The following FNDC3B variants were observed in gnomAD, a reference collection of about 807,000 sequenced individuals.
The protein encoded by FNDC3B is fibronectin type III domain containing 3B.
A neutral mutation model predicts 151.5 loss-of-function variants in FNDC3B; 12 were observed. That is an observed-to-expected ratio of 0.08 (90% CI 0.05 to 0.13). The LOEUF (loss-of-function observed/expected upper bound fraction) is 0.13, where lower values mean the gene tolerates loss of function less well. Ranked by LOEUF, FNDC3B falls within the 10% of genes least tolerant of loss-of-function variation. FNDC3B has a pLI of 1.00. For missense variants in FNDC3B, 1,214 were observed against 1,505.3 expected, an observed-to-expected ratio of 0.81 and a Z score of 3.20; for synonymous variants, 528 against 549.0, an observed-to-expected ratio of 0.96 and a Z score of 0.54.
chr3:172,200,203 T>C (rs748407764), intron 3 of FNDC3B, among the ~76,000 whole-genome samples: 1 of 152,150 alleles, frequency 6.6e-6, no homozygotes, highest in Non-Finnish European at 1.5e-5. Flanking sequence ...GTGCACCTAA[T>C]GTGCACATCT....
At chr3:172,142,508 A>G (rs1363868800) in intron 3 of FNDC3B, among the ~76,000 whole-genome samples, 3 of 152,192 alleles carry the variant, frequency 2.0e-5, no homozygotes, top group Admixed American at 6.5e-5. Context: ...GCATTACCTC[A>G]GTGGTTGGCC....
In FNDC3B at chr3:172,307,393, A is replaced by T; in HGVS notation, c.1092A>T (p.Gly364=). 6.2e-7 allele frequency: 1 copy of T among 1,614,068 alleles called. No homozygotes were observed. Among genetic ancestry groups the T allele is most frequent in the East Asian group, 2.2e-5 (1 of 44,882 alleles). The change falls in exon 10 of 26, where the codon GGA becomes GGT. Residue 364 remains glycine, a synonymous_variant. Transcript: ENST00000415807. Reference sequence around the variant, plus strand: ...ATGCCATGTACAATTCCGTAAAGGGATCCTGCTCCGAGCCTGTTAGCTTCA... The same window carrying T: ...ATGCCATGTACAATTCCGTAAAGGGTTCCTGCTCCGAGCCTGTTAGCTTCA... ...RVYAMYNSVK[G]SCSEPVSFTT...
Position 172,247,633 on chromosome 3 carries a change from A to G in FNDC3B, c.365A>G (p.His122Arg), listed in dbSNP as rs1727847051. 6.2e-7 allele frequency: 1 copy of G among 1,613,908 alleles called. No individual in the cohort carries two copies. The highest frequency in any genetic ancestry group is 1.3e-5 in the African/African-American group (1 of 74,922). The change falls in exon 5 of 26, where the codon CAT (histidine) becomes CGT (arginine). Residue 122 changes from histidine (H) to arginine (R), a missense_variant. By Grantham distance (29) the His-to-Arg change is conservative. Coordinates refer to ENST00000415807, the MANE Select transcript of FNDC3B (RefSeq NM_022763.4). Reference sequence around the variant, plus strand: ...CCCTCAGCCATGTCTCCAACCCATCATCTCCCTCCCTATCTGACTCACCAT... The same window carrying G: ...CCCTCAGCCATGTCTCCAACCCATCGTCTCCCTCCCTATCTGACTCACCAT... ...SYPSAMSPTH[H>R]LPPYLTHHPH...
chr3:172,216,965 C>G (rs1726010960), intron 3 of FNDC3B, among the ~76,000 whole-genome samples: 1 of 152,166 alleles, frequency 6.6e-6, no homozygotes, highest in Admixed American at 6.5e-5. Context: ...CTTGAGTTGT[C>G]TGGGCTATAT....
intron 3 of FNDC3B, chr3:172,148,619 C>A (rs1296978154): frequency 6.6e-6 from 1 of 151,980 alleles, no homozygotes; most frequent in Non-Finnish European, 1.5e-5. Context: ...TTACACATTT[C>A]TTTTTTTTCT....
At chr3:172,320,555 A>G (rs1162920931) in intron 11 of FNDC3B, among the ~76,000 whole-genome samples, 1 of 152,206 alleles carries the variant, frequency 6.6e-6, no homozygotes, top group Non-Finnish European at 1.5e-5. Flanking sequence ...TATAAAGAGG[A>G]ACAGGAAGTA....
In FNDC3B at chr3:172,329,047, G is replaced by A. The variant is rs754686417; in HGVS notation, c.1350G>A (p.Arg450=). The change falls in exon 12 of 26, where the codon AGG becomes AGA. Residue 450 remains arginine (R), a synonymous_variant. Transcript: ENST00000415807. ...KLCPAMGYTF[R]LAARNDIGTS... is the part of the protein sequence containing the mutation. ...GTCCGGCAATGGGGTACACATTCAG[G>A]CTGGCCGCTCGAAACGACATTGGTA... 4.3e-6 allele frequency: 7 copies of A among 1,613,586 alleles called. No individual in the cohort carries two copies. The highest frequency in any genetic ancestry group is 4.5e-5 in the East Asian group (2 of 44,856).
intron 6 of FNDC3B, 146 bp from the exon 7 acceptor site, chr3:172,285,780 C>T: frequency 1.5e-6 from 1 of 649,892 alleles, no homozygotes; most frequent in Admixed American, 2.9e-5. Context: ...CCTGATTTTC[C>T]TGGTAACATT....
rs143492628 is a variant in FNDC3B at position 172,351,647 on chromosome 3, G to A, written c.2515-1156G>A. The stretch of plus-strand genomic sequence containing the variant: ...TGTGAATTTAGACTATTGGGCAAGG[G>A]CCAACATAGATACCAGCTAGGAGGT... On this transcript the variant is annotated intron_variant, in intron 21 of 25. Transcript: ENST00000415807. Among the ~76,000 whole-genome samples the A allele has an allele frequency of 3.5e-3, 526 of 152,310 alleles. 8 individuals are homozygous for A. Among genetic ancestry groups the A allele is most frequent in the African/African-American group, 0.012 (505 of 41,568 alleles).
chr3:172,212,397 T>C (rs530019599), intron 3 of FNDC3B, among the ~76,000 whole-genome samples: 1 of 152,330 alleles, frequency 6.6e-6, no homozygotes, highest in African/African-American at 2.4e-5. Flanking sequence ...CCGCGTTCTT[T>C]CCAAGTCATT....
intron 3 of FNDC3B, among the ~76,000 whole-genome samples, chr3:172,138,485 T>C (rs1721477131): frequency 6.6e-6 from 1 of 152,206 alleles, no homozygotes; most frequent in Non-Finnish European, 1.5e-5. Flanking sequence ...CTAGATTCCA[T>C]TGATAATTGA....
At chr3:172,121,939 T>C (rs1208263934) in intron 2 of FNDC3B, among the ~76,000 whole-genome samples, 1 of 152,200 alleles carries the variant, frequency 6.6e-6, no homozygotes, top group Admixed American at 6.5e-5. Flanking sequence ...TGATTTCTCC[T>C]TTTCTTGTTT....
At chr3:172,138,790 G>T (rs1440121684) in intron 3 of FNDC3B, among the ~76,000 whole-genome samples, 1 of 152,220 alleles carries the variant, frequency 6.6e-6, no homozygotes, top group East Asian at 1.9e-4. Flanking sequence ...TGTGTTAAGT[G>T]AATAGAGACC....
chr3:172,134,988 TAAAA>T (rs776856315), intron 3 of FNDC3B, among the ~76,000 whole-genome samples: 1 of 138,726 alleles, frequency 7.2e-6, no homozygotes, highest in African/African-American at 2.6e-5. Context: ...CCCTGTATCT[TAAAA>T]AAAAAAAAAA....
intron 11 of FNDC3B, among the ~76,000 whole-genome samples, chr3:172,325,691 C>A (rs985611371): frequency 6.6e-6 from 1 of 152,232 alleles, no homozygotes; most frequent in Non-Finnish European, 1.5e-5. Flanking sequence ...AGTAGACAGA[C>A]CAGCACGCTG....
chr3:172,329,114 G>T (rs1732505056), intron 12 of FNDC3B, 38 bp downstream of exon 12: 1 of 1,580,698 alleles, frequency 6.3e-7, no homozygotes, highest in African/African-American at 1.4e-5. Context: ...TTCAGCCTTT[G>T]GATGGTGATC....
At chr3:172,146,377 G>C (rs1721908055) in intron 3 of FNDC3B, among the ~76,000 whole-genome samples, 1 of 152,064 alleles carries the variant, frequency 6.6e-6, no homozygotes, top group African/African-American at 2.4e-5. Context: ...TTGCACATCA[G>C]AATTACCTGG....
At chr3:172,122,199 T>C (rs1720587548) in intron 2 of FNDC3B, among the ~76,000 whole-genome samples, 1 of 152,210 alleles carries the variant, frequency 6.6e-6, no homozygotes, top group African/African-American at 2.4e-5. Flanking sequence ...TGCGTTACAC[T>C]CCAAACATGA....
In FNDC3B at chr3:172,170,228, G is replaced by C. The variant is rs546748921; in HGVS notation, c.187+36682G>C. 3.2e-4 allele frequency among the ~76,000 whole-genome samples: 48 copies of C among 152,332 alleles called. 1 individual carries two copies. The South Asian group carries it at 6.0e-3, about 19-fold the overall frequency. ...TGCAACATTTTCCTTCCAAGGAACT[G>C]GCAGTATCTCCTCTGTTACTCTCAG... On this transcript the variant is annotated intron_variant, in intron 3 of 25. Transcript: ENST00000415807.
Sources: allele counts gnomAD v4.1 joint callset (sites outside exome capture counted in the v4.1 genomes callset), GRCh38; gene constraint gnomAD v4.1.1; transcripts MANE v1.5; gene names NCBI Gene and HGNC (gene_info 2026-07-23, HGNC 2026-07-21).